Variants in CCDC150 observed in about 807,000 individuals in gnomAD.
CCDC150 encodes the protein coiled-coil domain-containing protein 150.
A neutral mutation model predicts 156.5 loss-of-function variants in CCDC150; 151 were observed. The ratio of observed to expected loss-of-function variants is 0.97; its 90% CI spans 0.85 to 1.10. The LOEUF (loss-of-function observed/expected upper bound fraction) is 1.10, where lower values mean the gene tolerates loss of function less well. CCDC150 is among the 50% of genes least tolerant of loss of function. CCDC150 has a pLI of 0.00. For missense variants in CCDC150, 1,312 were observed against 1,268.1 expected (o/e 1.03, Z -0.53); for synonymous variants, 452 against 429.4 (o/e 1.05, Z -0.65).
chr2:196,694,477 A>G (rs1335786916), intron 13 of CCDC150, among the ~76,000 whole-genome samples: 2 of 152,200 alleles, frequency 1.3e-5, no homozygotes, highest in African/African-American at 4.8e-5. Context: ...GAGGGCAACT[A>G]GAAAAACTCA....
intron 15 of CCDC150, among the ~76,000 whole-genome samples, chr2:196,709,539 G>T (rs952550974): frequency 6.6e-6 from 1 of 152,174 alleles, no homozygotes; most frequent in Non-Finnish European, 1.5e-5. Context: ...GTCCAGCTTT[G>T]TTCCGTTGCT....
intron 1 of CCDC150, among the ~76,000 whole-genome samples, chr2:196,642,308 A>G (rs1180779871): frequency 2.0e-5 from 3 of 152,200 alleles, no homozygotes; most frequent in Non-Finnish European, 4.4e-5. Flanking sequence ...ACTATGAGCC[A>G]TAGAACTATG....
chr2:196,701,334 G>C (rs573841475), intron 15 of CCDC150, among the ~76,000 whole-genome samples, 154 bp downstream of exon 15: 51 of 152,264 alleles, frequency 3.3e-4, no homozygotes, highest in African/African-American at 1.2e-3. Context: ...TTAATAGCCA[G>C]GTGACTTCTG....
intron 15 of CCDC150, among the ~76,000 whole-genome samples, chr2:196,711,128 C>A (rs970339183): frequency 6.6e-6 from 1 of 152,138 alleles, no homozygotes; most frequent in Non-Finnish European, 1.5e-5. Flanking sequence ...CAGTTAATTT[C>A]TTGTTGAACT....
intron 14 of CCDC150, among the ~76,000 whole-genome samples, chr2:196,697,111 A>G (rs537394283): frequency 6.6e-6 from 1 of 152,364 alleles, no homozygotes; most frequent in Non-Finnish European, 1.5e-5. Flanking sequence ...ATGCAGGAAC[A>G]GTAGTTACTC....
intron 15 of CCDC150, among the ~76,000 whole-genome samples, chr2:196,709,013 G>A (rs895052693): frequency 3.9e-5 from 6 of 152,052 alleles, no homozygotes; most frequent in East Asian, 1.9e-4. Context: ...GTATCTTTGC[G>A]GTGTTCTCTG....
rs1337237477 is a variant in CCDC150 at position 196,729,835 on chromosome 2, C to G, written c.2794C>G (p.Gln932Glu). 1.3e-6 allele frequency: 2 copies of G among 1,595,466 alleles called. No individual in the cohort carries two copies. Among genetic ancestry groups the G allele is most frequent in the South Asian group, 2.3e-5 (2 of 88,662 alleles). The change falls in exon 24 of 28, where the codon CAA becomes GAA. Residue 932 changes from glutamine (Q) to glutamate (E), a missense_variant. Physicochemically the swap from Gln to Glu is conservative, Grantham distance 29 (BLOSUM62 2). Transcript: ENST00000389175. ...ELKQMELIKD[Q>E]YQKKNYEQSL... ...GAAGCAAATGGAGCTAATTAAGGATCAATATCAGAAAAAGAACTATGAACA... is the reference window on the plus strand; with the variant it reads ...GAAGCAAATGGAGCTAATTAAGGATGAATATCAGAAAAAGAACTATGAACA...
At chr2:196,641,572 T>C (rs1009756693) in intron 1 of CCDC150, among the ~76,000 whole-genome samples, 10 of 152,204 alleles carry the variant, frequency 6.6e-5, no homozygotes, top group African/African-American at 9.7e-5. Context: ...TTTGCACTTA[T>C]CACCAATAAA....
At chr2:196,713,803 A>G (rs1033304514) in intron 17 of CCDC150, 1 of 1,141,442 alleles carries the variant, frequency 8.8e-7, no homozygotes, top group South Asian at 3.0e-5. Context: ...TTCTTCACAA[A>G]TAGAAAAAAG....
intron 17 of CCDC150, among the ~76,000 whole-genome samples, chr2:196,715,168 T>C (rs946522629): frequency 6.6e-6 from 1 of 152,166 alleles, no homozygotes; most frequent in African/African-American, 2.4e-5. Context: ...CCTACTGATA[T>C]ACTGGCTTGT....
chr2:196,650,686 C>A (rs187609677), intron 2 of CCDC150, among the ~76,000 whole-genome samples: 2 of 152,332 alleles, frequency 1.3e-5, no homozygotes, highest in East Asian at 3.9e-4. Context: ...GCCACCATAC[C>A]AGCTGCTAGT....
intron 13 of CCDC150, among the ~76,000 whole-genome samples, chr2:196,679,740 C>T (rs1694711238): frequency 6.6e-6 from 1 of 152,168 alleles, no homozygotes; most frequent in African/African-American, 2.4e-5. Context: ...GTTAGTAATT[C>T]ATGAGTTCCA....
chr2:196,643,024 A>G (rs539080284), intron 1 of CCDC150, among the ~76,000 whole-genome samples: 1 of 152,372 alleles, frequency 6.6e-6, no homozygotes, highest in East Asian at 1.9e-4. Context: ...GACTACAGGC[A>G]TGAGCCACTG....
chr2:196,695,061 T>G lies in CCDC150; in HGVS notation c.1525T>G (p.Leu509Val), dbSNP rs1695736090. Reference protein sequence around the residue: ...LAKNKVDINTLTHNLQTLEEE... With the variant: ...LAKNKVDINTVTHNLQTLEEE... ...TTCTTTAAAGGTAGACATAAATACA[T>G]TAACTCATAACCTGCAGACTCTTGA... Residue 509 changes from leucine (L) to valine (V), a missense_variant, in exon 14 of 28, where the codon TTA (leucine) becomes GTA (valine). Coordinates refer to ENST00000389175, the MANE Select transcript of CCDC150 (RefSeq NM_001080539.2). 6.3e-6 allele frequency: 10 copies of G among 1,596,526 alleles called. No individual in the cohort carries two copies. The highest frequency in any genetic ancestry group is 1.1e-5 in the South Asian group (1 of 88,840).
intron 14 of CCDC150, among the ~76,000 whole-genome samples, chr2:196,697,725 C>T (rs2125657866): frequency 6.6e-6 from 1 of 152,184 alleles, no homozygotes; most frequent in South Asian, 2.1e-4. Flanking sequence ...TTACAATCTG[C>T]TTATAAAGTA....
intron 17 of CCDC150, among the ~76,000 whole-genome samples, chr2:196,715,635 G>A (rs1292998183): frequency 2.6e-5 from 4 of 152,058 alleles, no homozygotes; most frequent in African/African-American, 4.8e-5. Flanking sequence ...TTCAACAAAC[G>A]GTGCCGGGAT....
intron 17 of CCDC150, among the ~76,000 whole-genome samples, chr2:196,717,658 G>A (rs1479246122): frequency 2.0e-5 from 3 of 152,264 alleles, no homozygotes; most frequent in African/African-American, 7.2e-5. Context: ...TTGGGAGGCC[G>A]AGGTGAGCAG....
intron 14 of CCDC150, 129 bp from the exon 15 acceptor site, chr2:196,700,980 G>A: frequency 3.1e-6 from 2 of 637,196 alleles, no homozygotes; most frequent in Non-Finnish European, 5.4e-6. Context: ...AAAAGCAGCA[G>A]TAGCAAATAA....
At chr2:196,663,231 C>T (rs1693654893) in intron 5 of CCDC150, among the ~76,000 whole-genome samples, 1 of 151,876 alleles carries the variant, frequency 6.6e-6, no homozygotes, top group Non-Finnish European at 1.5e-5. Context: ...ACAGTGAGAC[C>T]CAGTCTCAAA....
Sources: allele counts gnomAD v4.1 joint callset (sites outside exome capture counted in the v4.1 genomes callset), GRCh38; gene constraint gnomAD v4.1.1; transcripts MANE v1.5; gene names NCBI Gene and HGNC (gene_info 2026-07-23, HGNC 2026-07-21).